Variants in DAB1 observed in about 807,000 individuals in gnomAD.
DAB1 encodes the protein disabled homolog 1.
DAB1 carries 15 observed loss-of-function variants against 64.6 expected under a neutral mutation model. That is an observed-to-expected ratio of 0.23 (90% CI 0.16 to 0.36). The LOEUF (loss-of-function observed/expected upper bound fraction) is 0.36, where lower values mean the gene tolerates loss of function less well. Ranked by LOEUF, DAB1 falls within the 10% of genes least tolerant of loss-of-function variation. The pLI is 1.00. For missense variants in DAB1, 596 were observed against 706.7 expected, an observed-to-expected ratio of 0.84 and a Z score of 1.78; for synonymous variants, 235 against 251.9, an observed-to-expected ratio of 0.93 and a Z score of 0.64.
intron 4 of DAB1, among the ~76,000 whole-genome samples, chr1:57,091,533 GA>G (rs1653679574): frequency 6.6e-6 from 1 of 152,166 alleles, no homozygotes; most frequent in Non-Finnish European, 1.5e-5. Context: ...CTAGGAAGCA[GA>G]AGATTAGATA....
At chr1:57,067,918 A>G (rs1302527699) in intron 8 of DAB1, among the ~76,000 whole-genome samples, 3 of 152,162 alleles carry the variant, frequency 2.0e-5, no homozygotes, top group African/African-American at 7.2e-5. Context: ...TCAAGGGAGA[A>G]ACTGACTCTG....
At chr1:57,763,045 T>G (rs1209930840) in intron 6 of DAB1, among the ~76,000 whole-genome samples, 1 of 152,136 alleles carries the variant, frequency 6.6e-6, no homozygotes, top group Non-Finnish European at 1.5e-5. Context: ...AAGTAGGCAT[T>G]GTCATCCACT....
At chr1:58,171,098 C>T (rs1656149133) in intron 4 of DAB1, among the ~76,000 whole-genome samples, 1 of 152,162 alleles carries the variant, frequency 6.6e-6, no homozygotes, top group Non-Finnish European at 1.5e-5. Flanking sequence ...GCCTGAAAGT[C>T]CCACACCCTT....
intron 2 of DAB1, among the ~76,000 whole-genome samples, chr1:58,516,348 G>A (rs1232439928): frequency 6.6e-6 from 1 of 152,160 alleles, no homozygotes; most frequent in Non-Finnish European, 1.5e-5. Context: ...TTTCTATAAT[G>A]ACTGCAAAGT....
intron 2 of DAB1, among the ~76,000 whole-genome samples, chr1:57,189,860 AC>A (rs1197873843): frequency 1.3e-5 from 2 of 148,658 alleles, no homozygotes; most frequent in Non-Finnish European, 3.0e-5. Flanking sequence ...AAAAAAAAAA[AC>A]ACAACAGAAA....
chr1:57,831,716 G>A (rs1652599614), intron 1 of DAB1, among the ~76,000 whole-genome samples: 1 of 151,474 alleles, frequency 6.6e-6, no homozygotes, highest in Non-Finnish European at 1.5e-5. Context: ...CTAATTTTTT[G>A]TATCTTTTGT....
chr1:57,228,845 G>T (rs1436627766), intron 2 of DAB1, among the ~76,000 whole-genome samples: 1 of 152,022 alleles, frequency 6.6e-6, no homozygotes, highest in Non-Finnish European at 1.5e-5. Context: ...AGAAGACTCG[G>T]TAGATAAAAT....
At chr1:57,353,611 T>C (rs1329613902) in intron 1 of DAB1, among the ~76,000 whole-genome samples, 1 of 152,148 alleles carries the variant, frequency 6.6e-6, no homozygotes, top group African/African-American at 2.4e-5. Context: ...TCATTTTGTC[T>C]CAATTTTAAG....
At chr1:58,262,644 G>A (rs1287157929) in intron 4 of DAB1, among the ~76,000 whole-genome samples, 2 of 152,124 alleles carry the variant, frequency 1.3e-5, no homozygotes, top group Non-Finnish European at 2.9e-5. Context: ...ACTGCAAACT[G>A]AGTATAATAA....
intron 1 of DAB1, among the ~76,000 whole-genome samples, chr1:57,410,736 C>A (rs1407527225): frequency 6.6e-6 from 1 of 152,178 alleles, no homozygotes; most frequent in Non-Finnish European, 1.5e-5. Flanking sequence ...CACATGAACC[C>A]ACAGACAGCA....
intron 6 of DAB1, among the ~76,000 whole-genome samples, chr1:57,779,461 A>G (rs1649965624): frequency 6.6e-6 from 1 of 152,210 alleles, no homozygotes; most frequent in South Asian, 2.1e-4. Context: ...AAGAATCATT[A>G]CAGAGATTTG....
intron 4 of DAB1, among the ~76,000 whole-genome samples, chr1:58,158,564 G>A (rs1041268329): frequency 1.3e-5 from 2 of 152,118 alleles, no homozygotes; most frequent in African/African-American, 2.4e-5. Context: ...GGTGAGACTC[G>A]AAGGTGGGAG....
chr1:57,193,295 A>G (rs938384102), intron 2 of DAB1, among the ~76,000 whole-genome samples: 1 of 149,990 alleles, frequency 6.7e-6, no homozygotes, highest in African/African-American at 2.5e-5. Context: ...TAGATCCCAC[A>G]TATCAGTGGA....
chr1:57,783,525 T>A (rs1190768388), intron 6 of DAB1, among the ~76,000 whole-genome samples: 4 of 152,216 alleles, frequency 2.6e-5, no homozygotes, highest in African/African-American at 7.2e-5. Flanking sequence ...ATTTTATTTT[T>A]AAAATATTGA....
chr1:57,854,228 T>G (rs1316909998), intron 1 of DAB1, among the ~76,000 whole-genome samples: 3 of 152,210 alleles, frequency 2.0e-5, no homozygotes, highest in African/African-American at 7.2e-5. Context: ...CTTGACTTTT[T>G]TCTTTTCATT....
At chr1:58,506,897 C>T (rs1020150640) in intron 2 of DAB1, among the ~76,000 whole-genome samples, 4 of 151,872 alleles carry the variant, frequency 2.6e-5, no homozygotes, top group African/African-American at 4.8e-5. Context: ...TATAAAAGTA[C>T]ATTAGTACTT....
At chr1:58,046,436 T>G (rs1366899788) in intron 5 of DAB1, among the ~76,000 whole-genome samples, 1 of 152,190 alleles carries the variant, frequency 6.6e-6, no homozygotes, top group Non-Finnish European at 1.5e-5. Flanking sequence ...AAGAACTTCT[T>G]TTTTTGTTGT....
chr1:58,323,367 C>T (rs1222245870), intron 4 of DAB1, among the ~76,000 whole-genome samples: 1 of 151,976 alleles, frequency 6.6e-6, no homozygotes, highest in Non-Finnish European at 1.5e-5. Flanking sequence ...TTGCTGCTGC[C>T]AAAATACTCA....
intron 5 of DAB1, among the ~76,000 whole-genome samples, chr1:57,936,370 C>T (rs1475266955): frequency 6.6e-6 from 1 of 152,176 alleles, no homozygotes; most frequent in African/African-American, 2.4e-5. Flanking sequence ...CCTCTTCTGC[C>T]TCTTCATTGG....
Sources: gnomAD v4.1 joint callset for allele counts (sites outside exome capture counted in the v4.1 genomes callset) on GRCh38, gnomAD v4.1.1 for gene constraint, MANE v1.5 for transcripts, NCBI Gene and HGNC (gene_info 2026-07-23, HGNC 2026-07-21) for gene names.